The following SSBP2 variants were observed in gnomAD, a reference collection of about 807,000 sequenced individuals.
SSBP2 encodes the protein single stranded DNA binding protein 2.
Under a neutral mutation model 61.8 loss-of-function variants are expected in SSBP2, and 17 were observed. The ratio of observed to expected loss-of-function variants is 0.28; its 90% CI spans 0.19 to 0.41. SSBP2 has a LOEUF of 0.41. Ranked by LOEUF, SSBP2 falls within the 10% of genes least tolerant of loss-of-function variation. The pLI is 1.00. For missense variants in SSBP2, 310 were observed against 458.7 expected (o/e 0.68, Z 2.96); for synonymous variants, 139 against 141.3 (o/e 0.98, Z 0.12).
At chr5:81,564,840 C>T (rs997714299) in intron 4 of SSBP2, among the ~76,000 whole-genome samples, 1 of 152,320 alleles carries the variant, frequency 6.6e-6, no homozygotes, top group Middle Eastern at 3.4e-3. Context: ...CACCAAACAT[C>T]ACCTTACCAG....
At chr5:81,479,179 T>C (rs554522839) in intron 6 of SSBP2, among the ~76,000 whole-genome samples, 1 of 152,232 alleles carries the variant, frequency 6.6e-6, no homozygotes, top group Non-Finnish European at 1.5e-5. Flanking sequence ...TTTAAACCTT[T>C]AATATCAGAA....
At chr5:81,605,788 T>C (rs1744826339) in intron 4 of SSBP2, among the ~76,000 whole-genome samples, 1 of 152,162 alleles carries the variant, frequency 6.6e-6, no homozygotes, top group Non-Finnish European at 1.5e-5. Context: ...TTCACTGGGA[T>C]AGTACTCACT....
chr5:81,439,898 C>T (rs1762916413), intron 14 of SSBP2, among the ~76,000 whole-genome samples: 1 of 151,914 alleles, frequency 6.6e-6, no homozygotes, highest in Non-Finnish European at 1.5e-5. Context: ...GTCTCAATCT[C>T]CTGACCTCAT....
chr5:81,665,481 A>T (rs1394621739), intron 1 of SSBP2, among the ~76,000 whole-genome samples: 1 of 150,226 alleles, frequency 6.7e-6, no homozygotes, highest in African/African-American at 2.5e-5. Flanking sequence ...AGGTTTTCCT[A>T]AAGATCTTCC....
intron 4 of SSBP2, among the ~76,000 whole-genome samples, chr5:81,611,037 T>G (rs982290932): frequency 1.3e-5 from 2 of 152,176 alleles, no homozygotes; most frequent in African/African-American, 4.8e-5. Flanking sequence ...AACCTAGTCT[T>G]GTGAGCACAA....
intron 4 of SSBP2, among the ~76,000 whole-genome samples, chr5:81,525,534 A>C (rs1195501054): frequency 6.6e-6 from 1 of 152,032 alleles, no homozygotes; most frequent in Admixed American, 6.6e-5. Context: ...AAGGGACTGT[A>C]TCTGCCACTG....
chr5:81,680,879 A>G (rs139894320), intron 1 of SSBP2, among the ~76,000 whole-genome samples: 39 of 152,340 alleles, frequency 2.6e-4, no homozygotes, highest in Admixed American at 4.6e-4. Flanking sequence ...CAGAAAATCC[A>G]TAAGGACCTA....
At chr5:81,559,964 G>T (rs879934883) in intron 4 of SSBP2, among the ~76,000 whole-genome samples, 3 of 152,042 alleles carry the variant, frequency 2.0e-5, no homozygotes, top group Admixed American at 6.6e-5. Context: ...ACTATACTGA[G>T]TAAATACATA....
chr5:81,639,566 G>A (rs1748585146), intron 2 of SSBP2, among the ~76,000 whole-genome samples: 1 of 151,574 alleles, frequency 6.6e-6, no homozygotes, highest in Non-Finnish European at 1.5e-5. Context: ...GGGATAGAAA[G>A]AGCAGGAAAA....
At chr5:81,650,138 C>T in intron 2 of SSBP2, 129 bp downstream of exon 2, 3 of 598,934 alleles carry the variant, frequency 5.0e-6, no homozygotes, top group Non-Finnish European at 8.6e-6. Context: ...AAAAACTATA[C>T]TATGTATACG....
At chr5:81,524,277 T>C (rs1000106349) in intron 4 of SSBP2, among the ~76,000 whole-genome samples, 5 of 151,984 alleles carry the variant, frequency 3.3e-5, no homozygotes, top group African/African-American at 1.2e-4. Flanking sequence ...GAAACTGAAT[T>C]TTGCCCAGAA....
At chr5:81,534,805 C>T (rs1407233713) in intron 4 of SSBP2, among the ~76,000 whole-genome samples, 2 of 151,856 alleles carry the variant, frequency 1.3e-5, no homozygotes, top group Non-Finnish European at 2.9e-5. Context: ...GAGAATTTCT[C>T]CAAATTAATG....
At chr5:81,447,004 C>T (rs1294313623) in intron 11 of SSBP2, 82 bp from the exon 12 acceptor site, 2 of 956,684 alleles carry the variant, frequency 2.1e-6, no homozygotes, top group African/African-American at 1.7e-5. Flanking sequence ...TATAATAATC[C>T]AATTTGAAAA....
chr5:81,613,306 C>A (rs1382656037), intron 4 of SSBP2, among the ~76,000 whole-genome samples: 1 of 152,088 alleles, frequency 6.6e-6, no homozygotes, highest in African/African-American at 2.4e-5. Flanking sequence ...CCAAATTACA[C>A]AGTAAGGGGT....
intron 1 of SSBP2, among the ~76,000 whole-genome samples, chr5:81,702,033 A>C (rs774395287): frequency 2.9e-4 from 44 of 152,204 alleles, no homozygotes; most frequent in Non-Finnish European, 5.7e-4. Context: ...TATGGGACTA[A>C]TAAGGTACAC....
chr5:81,478,321 T>G (rs570940675), intron 6 of SSBP2, among the ~76,000 whole-genome samples: 1 of 151,888 alleles, frequency 6.6e-6, no homozygotes, highest in Non-Finnish European at 1.5e-5. Context: ...CCCCCACACC[T>G]GCCTAATTTT....
At chr5:81,522,623 A>AT (rs1169373995) in intron 4 of SSBP2, among the ~76,000 whole-genome samples, 24 of 152,132 alleles carry the variant, frequency 1.6e-4, no homozygotes, top group African/African-American at 5.1e-4. Flanking sequence ...AAGCATTTTA[A>AT]TTTTCAGACT....
chr5:81,465,699 A>C (rs891996027), intron 9 of SSBP2, among the ~76,000 whole-genome samples: 5 of 152,054 alleles, frequency 3.3e-5, no homozygotes, highest in African/African-American at 1.2e-4. Flanking sequence ...GGTATGTTTT[A>C]TATACATCTC....
intron 5 of SSBP2, among the ~76,000 whole-genome samples, chr5:81,505,190 G>A (rs1360439878): frequency 6.6e-6 from 1 of 152,034 alleles, no homozygotes; most frequent in African/African-American, 2.4e-5. Flanking sequence ...ACACAGCCAT[G>A]CTCTTTAATT....
Sources: gnomAD v4.1 joint callset for allele counts (sites outside exome capture counted in the v4.1 genomes callset) on GRCh38, gnomAD v4.1.1 for gene constraint, MANE v1.5 for transcripts, NCBI Gene and HGNC (gene_info 2026-07-23, HGNC 2026-07-21) for gene names.